The following FMN2 variants were observed in gnomAD, a reference collection of about 807,000 sequenced individuals.
FMN2 encodes formin 2, also known as formin-2.
Under a neutral mutation model 142.3 loss-of-function variants are expected in FMN2, and 51 were observed. That is an observed-to-expected ratio of 0.36 (90% confidence interval 0.29 to 0.45). The LOEUF (loss-of-function observed/expected upper bound fraction) is 0.45. Ranked by LOEUF, FMN2 falls within the 20% of genes least tolerant of loss-of-function variation. The probability of loss-of-function intolerance (pLI) is 1.00; values close to 1 mark genes in which losing one functional copy is unlikely to be tolerated. For synonymous variants in FMN2, 882 were observed against 869.8 expected (o/e 1.01, Z -0.25); for missense variants, 1,936 against 2,122.8 (o/e 0.91, Z 1.73).
intron 4 of FMN2, among the ~76,000 whole-genome samples, chr1:240,192,695 C>T (rs1287598716): frequency 2.6e-5 from 4 of 152,142 alleles, no homozygotes; most frequent in Non-Finnish European, 5.9e-5. Flanking sequence ...CCACTAAATA[C>T]TCTGACCTAA....
rs1242464567 is a variant in FMN2 at position 240,263,525 on chromosome 1, A to G, written c.4153+5493A>G. Reference sequence around the variant, plus strand: ...AATCCACACATCCAGAATGACTTTAATTTCACCATTGAAAGCCCATTTCAG... The same window carrying G: ...AATCCACACATCCAGAATGACTTTAGTTTCACCATTGAAAGCCCATTTCAG... On this transcript the variant is annotated intron_variant, in intron 7 of 17. Coordinates refer to ENST00000319653, the MANE Select transcript of FMN2 (RefSeq NM_020066.5). Among the ~76,000 whole-genome samples the G allele has an allele frequency of 2.0e-5, 3 of 152,154 alleles. No homozygotes were observed. In the East Asian group the frequency reaches 5.8e-4, roughly 29 times the overall value.
intron 16 of FMN2, among the ~76,000 whole-genome samples, chr1:240,439,162 A>T (rs1002978594): frequency 2.6e-5 from 4 of 151,742 alleles, no homozygotes; most frequent in Non-Finnish European, 4.4e-5. Flanking sequence ...AATCCCAGCT[A>T]CTTGCGAGAC....
At chr1:240,389,401 CTG>C (rs1300372548) in intron 14 of FMN2, among the ~76,000 whole-genome samples, 3 of 152,136 alleles carry the variant, frequency 2.0e-5, no homozygotes, top group Admixed American at 6.5e-5. Context: ...GTTTGAAAGT[CTG>C]TGCTTATAAC....
chr1:240,419,960 A>G (rs577166655), intron 15 of FMN2, among the ~76,000 whole-genome samples: 10 of 152,140 alleles, frequency 6.6e-5, no homozygotes, highest in Admixed American at 6.5e-4. Flanking sequence ...AACCATCTCC[A>G]CAATCCGCTG....
At chr1:240,143,819 A>G (rs1241527224) in intron 2 of FMN2, 27 of 1,532,408 alleles carry the variant, frequency 1.8e-5, no homozygotes, top group Non-Finnish European at 2.3e-5. Context: ...TCCACAGGCT[A>G]GAGCTGTCAC....
intron 2 of FMN2, chr1:240,142,986 A>C (rs1035817357): frequency 1.3e-6 from 2 of 1,574,160 alleles, no homozygotes; most frequent in Admixed American, 3.3e-5. Flanking sequence ...AACATCCAGG[A>C]AAGAGAGAGG....
chr1:240,092,430 G>A lies in FMN2; in HGVS notation c.321G>A (p.Glu107=), dbSNP rs376733678. ...VLDSQALQTG[E]LDSAHSLLTK... is the part of the protein sequence containing the mutation. ...ATTCCCAGGCCCTGCAGACCGGGGA[G>A]CTGGACAGCGCTCACTCCCTGCTCA... Residue 107 remains glutamate, a synonymous_variant, in exon 1 of 18, where the codon GAG becomes GAA. Coordinates refer to ENST00000319653, the MANE Select transcript of FMN2 (RefSeq NM_020066.5). The A allele has an allele frequency of 9.3e-6, 15 of 1,611,388 alleles. No individual in the cohort carries two copies. In the African/African-American group the frequency reaches 1.1e-4, roughly 11 times the overall value.
chr1:240,253,968 C>T (rs887754813), intron 6 of FMN2, among the ~76,000 whole-genome samples: 2 of 152,102 alleles, frequency 1.3e-5, no homozygotes, highest in African/African-American at 4.8e-5. Flanking sequence ...GGCCAGTCCT[C>T]AATCACTGGC....
At chr1:240,095,406 C>CAT (rs935047578) in intron 1 of FMN2, among the ~76,000 whole-genome samples, 1 of 151,862 alleles carries the variant, frequency 6.6e-6, no homozygotes, top group African/African-American at 2.4e-5. Context: ...CACACACACA[C>CAT]ACACATTGAG....
rs146790507 is a variant in FMN2, at chr1:240,435,082, T to G, written c.4911-2979T>G. On this transcript the variant is annotated intron_variant, in intron 15 of 17. Coordinates refer to ENST00000319653, the MANE Select transcript of FMN2 (RefSeq NM_020066.5). ...TCACATTTGACTTTAAATCAATTGT[T>G]GGATACTCATTTGGCTCACAGGTTC... Among the ~76,000 whole-genome samples the G allele has an allele frequency of 1.2e-4, 19 of 152,320 alleles. No homozygotes were observed. The East Asian group carries it at 3.5e-3, about 28-fold the overall frequency.
At position 240,123,353 on chromosome 1, in the gene FMN2, G is replaced by A. The variant is rs115215815; in HGVS notation, c.1782+8G>A. 2,711 of 1,611,464 alleles carry A rather than the reference G, an allele frequency of 1.7e-3. 44 individuals are homozygous for A. In the African/African-American group the frequency reaches 0.031, roughly 19 times the overall value. On this transcript the variant is annotated splice_region_variant and intron_variant, in intron 2 of 17. Coordinates refer to ENST00000319653, the MANE Select transcript of FMN2 (RefSeq NM_020066.5). ...AATGCAGCTTCGTTTGATGTAAGTA[G>A]GAGAATTCACTTCTGTCCGTGAGGC...
chr1:240,133,341 A>C (rs1218406016), intron 2 of FMN2, among the ~76,000 whole-genome samples: 1 of 152,066 alleles, frequency 6.6e-6, no homozygotes, highest in African/African-American at 2.4e-5. Context: ...TAATTAAAAA[A>C]AATTTTTTTA....
chr1:240,258,134 A>C, intron 7 of FMN2, 102 bp downstream of exon 7: 1 of 871,418 alleles, frequency 1.1e-6, no homozygotes, highest in East Asian at 2.5e-5. Context: ...TTTCTGTGTA[A>C]ACCGAGGTTA....
chr1:240,146,224 A>AC (rs1243437318), intron 2 of FMN2, among the ~76,000 whole-genome samples: 2 of 150,468 alleles, frequency 1.3e-5, no homozygotes, highest in African/African-American at 4.9e-5. Flanking sequence ...TCTACTAAAA[A>AC]AAAAAAAAAA....
At chr1:240,277,353 C>T (rs372757455) in intron 7 of FMN2, among the ~76,000 whole-genome samples, 8 of 150,886 alleles carry the variant, frequency 5.3e-5, no homozygotes, top group East Asian at 3.9e-4. Flanking sequence ...ATGATCAATC[C>T]GTTTAAGACC....
Position 240,187,257 on chromosome 1 carries a change from G to A in FMN2, c.1931-950G>A, listed in dbSNP as rs1176629967. On this transcript the variant is annotated intron_variant, in intron 3 of 17. Transcript: ENST00000319653. ...TGCACTCCAGCCTGGGTGAAAGAGC[G>A]AAACTCCATCTCAAAAAAAAAAAAA... Among the ~76,000 whole-genome samples the A allele has an allele frequency of 7.4e-5, 8 of 107,392 alleles. No homozygotes were observed. In the East Asian group the frequency reaches 9.1e-4, roughly 12 times the overall value. The allele number at this position is 107,392 out of a possible 152,430, so 70.5% of individuals were successfully genotyped here.
Position 240,259,595 on chromosome 1 carries a change from C to T in FMN2, c.4153+1563C>T, listed in dbSNP as rs16839671. 1.9e-3 allele frequency among the ~76,000 whole-genome samples: 282 copies of T among 149,764 alleles called. 1 individual carries two copies. Among genetic ancestry groups the T allele is most frequent in the African/African-American group, 6.8e-3 (276 of 40,588 alleles). ...TCTGCCTTGGTGTATTGTCTGCAAA[C>T]AGGATTTACATGTGTGAATCGCTTG... On this transcript the variant is annotated intron_variant, in intron 7 of 17. Transcript: ENST00000319653.
At chr1:240,342,922 ATTATAT>A (rs1671787595) in intron 13 of FMN2, among the ~76,000 whole-genome samples, 1 of 152,156 alleles carries the variant, frequency 6.6e-6, no homozygotes, top group African/African-American at 2.4e-5. Context: ...TACTTGGAAA[ATTATAT>A]TTAAATTGGA....
At chr1:240,300,681 A>G (rs1042088891) in intron 8 of FMN2, among the ~76,000 whole-genome samples, 1 of 152,162 alleles carries the variant, frequency 6.6e-6, no homozygotes, top group African/African-American at 2.4e-5. Context: ...ATTGAAAACT[A>G]TTTCTAGAAA....
Sources: gnomAD v4.1 joint callset for allele counts (sites outside exome capture counted in the v4.1 genomes callset) on GRCh38, gnomAD v4.1.1 for gene constraint, MANE v1.5 for transcripts, NCBI Gene and HGNC (gene_info 2026-07-23, HGNC 2026-07-21) for gene names.